Variants in EPC2 observed in about 807,000 individuals in gnomAD.
EPC2 encodes the protein enhancer of polycomb homolog 2.
In EPC2, 14 loss-of-function variants were observed where a neutral mutation model predicts 92.1. The observed-to-expected ratio is 0.15, with a 90% CI of 0.10 to 0.24. The LOEUF (loss-of-function observed/expected upper bound fraction) is 0.24. Among genes scored for constraint, EPC2 ranks in the 10% least tolerant of loss-of-function variants. The pLI is 1.00. For missense variants in EPC2, 755 were observed against 971.5 expected, an observed-to-expected ratio of 0.78 and a Z score of 2.96; for synonymous variants, 340 against 334.7, an observed-to-expected ratio of 1.02 and a Z score of -0.17.
chr2:148,733,988 T>C (rs1682699537), intron 2 of EPC2, among the ~76,000 whole-genome samples: 1 of 152,172 alleles, frequency 6.6e-6, no homozygotes, highest in African/African-American at 2.4e-5. Flanking sequence ...TTAGAATCAC[T>C]TTTCTTTTCC....
intron 3 of EPC2, among the ~76,000 whole-genome samples, chr2:148,745,853 A>G (rs1183468667): frequency 6.6e-6 from 1 of 152,122 alleles, no homozygotes; most frequent in East Asian, 1.9e-4. Flanking sequence ...GAAAACGACA[A>G]AAGATAGACT....
At chr2:148,672,546 C>T (rs1004232797) in intron 1 of EPC2, among the ~76,000 whole-genome samples, 34 of 152,142 alleles carry the variant, frequency 2.2e-4, no homozygotes, top group Non-Finnish European at 1.6e-4. Flanking sequence ...AAACATCTTA[C>T]AGTGGCAACA....
At chr2:148,746,110 C>T (rs952532467) in intron 3 of EPC2, among the ~76,000 whole-genome samples, 9 of 152,004 alleles carry the variant, frequency 5.9e-5, no homozygotes, top group Non-Finnish European at 1.3e-4. Flanking sequence ...CTCCTGTAAA[C>T]ATCAGGGTTT....
chr2:148,732,092 C>T (rs1682643036), intron 2 of EPC2, among the ~76,000 whole-genome samples: 1 of 152,096 alleles, frequency 6.6e-6, no homozygotes, highest in South Asian at 2.1e-4. Flanking sequence ...TGGAAGTTGT[C>T]CAGGCTCTCT....
chr2:148,786,451 A>T lies in EPC2; in HGVS notation c.*74A>T, dbSNP rs562838299. 1.0e-5 allele frequency: 12 copies of T among 1,190,456 alleles called. No homozygotes were observed. Among genetic ancestry groups the T allele is most frequent in the Middle Eastern group, 1.9e-4 (1 of 5,302 alleles). The allele number at this position is 1,190,456 out of a possible 1,614,324, so 73.7% of individuals were successfully genotyped here. A position where few individuals can be genotyped will look rare whatever the true frequency, so the allele number is the denominator to read the frequency against. ...ATTCCAGCTGAATGCAAAAGGCAAC[A>T]CTCTGTGGATCACAGAGTGTAACAA... On this transcript the variant is annotated 3_prime_UTR_variant, in exon 14 of 14. Coordinates refer to ENST00000258484, the MANE Select transcript of EPC2 (RefSeq NM_015630.4).
At chr2:148,781,574 T>C (rs1477906807) in intron 10 of EPC2, 70 bp from the exon 11 acceptor site, 1 of 1,397,998 alleles carries the variant, frequency 7.2e-7, no homozygotes, top group African/African-American at 1.4e-5. Context: ...TAAGTTTATA[T>C]CATATTCTGC....
Position 148,786,287 on chromosome 2 carries a change from T to G in EPC2, c.2352-18T>G. On this transcript the variant is annotated intron_variant, in intron 13 of 13. Transcript: ENST00000258484. ...GAGAGTATTGATATTTATTTTATCCTTTGCCTTATTACCATAGAGAGAACC... is the reference window on the plus strand; with the variant it reads ...GAGAGTATTGATATTTATTTTATCCGTTGCCTTATTACCATAGAGAGAACC... The G allele has an allele frequency of 6.3e-7, 1 of 1,596,460 alleles. No homozygotes were observed. Among genetic ancestry groups the G allele is most frequent in the Non-Finnish European group, 8.6e-7 (1 of 1,166,810 alleles).
intron 2 of EPC2, among the ~76,000 whole-genome samples, chr2:148,709,121 T>C (rs543749972): frequency 6.6e-6 from 1 of 152,322 alleles, no homozygotes; most frequent in Admixed American, 6.5e-5. Flanking sequence ...AAAATCTCCT[T>C]AAGCTAATAA....
intron 4 of EPC2, among the ~76,000 whole-genome samples, chr2:148,759,672 T>C (rs1469261367): frequency 1.3e-5 from 2 of 152,150 alleles, no homozygotes; most frequent in African/African-American, 4.8e-5. Flanking sequence ...TTGAAATTTT[T>C]CAAAAATAGT....
At chr2:148,650,888 A>G (rs556549201) in intron 1 of EPC2, among the ~76,000 whole-genome samples, 4 of 152,192 alleles carry the variant, frequency 2.6e-5, no homozygotes, top group Non-Finnish European at 4.4e-5. Flanking sequence ...AGTGTTCTGT[A>G]TAGGAAAAGT....
chr2:148,740,162 G>T (rs1322114451), intron 2 of EPC2, among the ~76,000 whole-genome samples: 1 of 150,584 alleles, frequency 6.6e-6, no homozygotes, highest in Non-Finnish European at 1.5e-5. Flanking sequence ...TAGTTTAAAA[G>T]AATCTCTTCT....
chr2:148,708,038 CA>C (rs766879070), intron 2 of EPC2, among the ~76,000 whole-genome samples: 1 of 151,384 alleles, frequency 6.6e-6, no homozygotes, highest in Non-Finnish European at 1.5e-5. Context: ...AAAATCCCTT[CA>C]AAAAATCAGT....
chr2:148,731,598 T>C (rs996565529), intron 2 of EPC2, among the ~76,000 whole-genome samples: 5 of 152,168 alleles, frequency 3.3e-5, no homozygotes, highest in Non-Finnish European at 7.4e-5. Context: ...AGACAGGGTT[T>C]ACCATGTTGA....
At chr2:148,772,230 A>G (rs1683536824) in intron 10 of EPC2, among the ~76,000 whole-genome samples, 1 of 152,246 alleles carries the variant, frequency 6.6e-6, no homozygotes, top group Admixed American at 6.5e-5. Context: ...TATAATATCT[A>G]GAGAATCTAG....
intron 2 of EPC2, among the ~76,000 whole-genome samples, chr2:148,705,201 G>A (rs1681968487): frequency 6.6e-6 from 1 of 151,934 alleles, no homozygotes; most frequent in Non-Finnish European, 1.5e-5. Context: ...ATATGAACTG[G>A]CCAAACAGTA....
intron 1 of EPC2, among the ~76,000 whole-genome samples, chr2:148,678,742 G>A (rs1167593538): frequency 1.3e-5 from 2 of 152,254 alleles, no homozygotes; most frequent in Non-Finnish European, 2.9e-5. Flanking sequence ...AGCGCTGCAT[G>A]CAGCCCTGGT....
Position 148,765,187 on chromosome 2 carries a change from A to G in EPC2, c.1140+41A>G, listed in dbSNP as rs543011827. ...TATTTTAAAGATATTTCTTCTTAGT[A>G]TTTTATATTGCTATATTTTTAAAAC... On this transcript the variant is annotated intron_variant, in intron 7 of 13. Transcript: ENST00000258484. The G allele has an allele frequency of 3.4e-4, 464 of 1,361,064 alleles. 2 individuals carry two copies. In the South Asian group the frequency reaches 3.6e-3, roughly 11 times the overall value. 84.3% of individuals were successfully genotyped at this position (1,361,064 alleles called of 1,614,324 possible). A position where few individuals can be genotyped will look rare whatever the true frequency, so the allele number is the denominator to read the frequency against.
At chr2:148,685,732 A>G (rs879791892) in intron 1 of EPC2, among the ~76,000 whole-genome samples, 1 of 152,226 alleles carries the variant, frequency 6.6e-6, no homozygotes, top group Admixed American at 6.5e-5. Flanking sequence ...GCGCCACTGC[A>G]CTCTAGCCTG....
intron 4 of EPC2, among the ~76,000 whole-genome samples, chr2:148,754,366 C>T (rs1683141739): frequency 6.6e-6 from 1 of 152,140 alleles, no homozygotes; most frequent in Non-Finnish European, 1.5e-5. Flanking sequence ...GTTGTTTACG[C>T]TGTTTATCTG....
Sources: allele counts gnomAD v4.1 joint callset (sites outside exome capture counted in the v4.1 genomes callset), GRCh38; gene constraint gnomAD v4.1.1; transcripts MANE v1.5; gene names NCBI Gene and HGNC (gene_info 2026-07-23, HGNC 2026-07-21).